Variants in TNS1 observed in about 807,000 individuals in gnomAD.
TNS1 encodes the protein tensin-1.
TNS1 carries 62 observed loss-of-function variants against 168.6 expected under a neutral mutation model. The ratio of observed to expected loss-of-function variants is 0.37; its 90% confidence interval spans 0.30 to 0.45. TNS1 has a LOEUF of 0.45. Ranked by LOEUF, TNS1 falls within the 20% of genes least tolerant of loss-of-function variation. The pLI is 1.00. For synonymous variants in TNS1, 934 were observed against 933.2 expected, an observed-to-expected ratio of 1.00 and a Z score of -0.02; for missense variants, 2,240 against 2,339.4, an observed-to-expected ratio of 0.96 and a Z score of 0.88.
At chr2:217,816,076 A>G (rs1302777329) in intron 24 of TNS1, among the ~76,000 whole-genome samples, 1 of 152,154 alleles carries the variant, frequency 6.6e-6, no homozygotes. Context: ...CCAACTGCCT[A>G]ATTTTACATA....
At chr2:217,838,880 C>T (rs1457505636) in intron 19 of TNS1, among the ~76,000 whole-genome samples, 1 of 152,144 alleles carries the variant, frequency 6.6e-6, no homozygotes, top group Non-Finnish European at 1.5e-5. Context: ...CTCTCACGTC[C>T]CAGAGTCTGA....
At chr2:217,963,601 G>C (rs941845055) in intron 3 of TNS1, among the ~76,000 whole-genome samples, 14 of 152,108 alleles carry the variant, frequency 9.2e-5, no homozygotes, top group Non-Finnish European at 2.9e-5. Context: ...CAAATAGCTA[G>C]ATAAGAATAA....
chr2:218,032,798 C>G lies in TNS1; in HGVS notation c.156+1022G>C, dbSNP rs1157317017. Among the ~76,000 whole-genome samples, 1 of 152,154 alleles carries G rather than the reference C, an allele frequency of 6.6e-6. No homozygotes were observed. The highest frequency in any genetic ancestry group is 2.4e-5 in the African/African-American group (1 of 41,430). The stretch of plus-strand genomic sequence containing the variant: ...TGGGATGGAGCTTGATCCCCACAGA[C>G]AGAGGAGGGAGGGAGTCACAGGCGA... On this transcript the variant is annotated intron_variant, in intron 1 of 1. Coordinates refer to the TNS1 transcript ENST00000649572. This position sits in a 1 kb window ranked among gnomAD's most constrained non-coding sequence, Gnocchi z 4.0.
intron 18 of TNS1, among the ~76,000 whole-genome samples, chr2:217,862,392 T>C (rs1421348183): frequency 6.6e-6 from 1 of 152,114 alleles, no homozygotes; most frequent in Non-Finnish European, 1.5e-5. Context: ...TACTCTGTCT[T>C]CAGAGGCAGC....
intron 1 of TNS1, among the ~76,000 whole-genome samples, chr2:218,024,722 G>A (rs543124227): frequency 7.2e-5 from 11 of 152,134 alleles, no homozygotes; most frequent in African/African-American, 1.9e-4. Flanking sequence ...CCATCCTCCC[G>A]TAGCATGAGC....
chr2:217,887,235 A>C (rs1029697451), intron 12 of TNS1, among the ~76,000 whole-genome samples: 4 of 152,118 alleles, frequency 2.6e-5, no homozygotes, highest in Non-Finnish European at 5.9e-5. Flanking sequence ...TGTATCCTTG[A>C]GTTTACTTGG....
intron 3 of TNS1, among the ~76,000 whole-genome samples, chr2:217,922,187 G>A (rs1955756364): frequency 6.6e-6 from 1 of 152,208 alleles, no homozygotes. Context: ...GAGGTCCCCA[G>A]AGCTGGCTGT....
At chr2:217,901,413 G>A (rs1203243973) in intron 6 of TNS1, among the ~76,000 whole-genome samples, 1 of 152,160 alleles carries the variant, frequency 6.6e-6, no homozygotes. Context: ...TGTTGTTTTT[G>A]TTGTTACTTT....
chr2:217,960,157 T>C (rs1295885605), intron 3 of TNS1, among the ~76,000 whole-genome samples: 1 of 151,710 alleles, frequency 6.6e-6, no homozygotes, highest in East Asian at 1.9e-4. Flanking sequence ...GCAGAAGGAG[T>C]GTCCCCGACT....
intron 19 of TNS1, chr2:217,841,923 A>C: frequency 1.7e-6 from 1 of 600,760 alleles, no homozygotes; most frequent in Non-Finnish European, 3.0e-6. Context: ...TCTCAGATGC[A>C]CTAGAAGGAC....
At chr2:217,862,373 T>C (rs2125543731) in intron 18 of TNS1, among the ~76,000 whole-genome samples, 1 of 152,224 alleles carries the variant, frequency 6.6e-6, no homozygotes, top group South Asian at 2.1e-4. Context: ...GCTTGAAAGA[T>C]GATGGTATTA....
At position 217,880,857 on chromosome 2, in the gene TNS1, G is replaced by A; in HGVS notation, c.1429+41C>T. 7.0e-7 allele frequency: 1 copy of A among 1,436,808 alleles called. No homozygotes were observed. The highest frequency in any genetic ancestry group is 9.8e-7 in the Non-Finnish European group (1 of 1,018,380). 89.0% of individuals were successfully genotyped at this position (1,436,808 alleles called of 1,614,324 possible). ...GCAAGGTCATGTGAGCAGAGGCTGT[G>A]CAGTTTGGATAGGGGCTGGGAGCCA... On this transcript the variant is annotated intron_variant, in intron 18 of 32. Coordinates refer to ENST00000682258, the MANE Select transcript of TNS1 (RefSeq NM_001387777.1). This position sits in a 1 kb window ranked among gnomAD's most constrained non-coding sequence, Gnocchi z 4.2.
At chr2:217,943,212 G>A (rs1245112748) in intron 3 of TNS1, among the ~76,000 whole-genome samples, 2 of 152,158 alleles carry the variant, frequency 1.3e-5, no homozygotes, top group Non-Finnish European at 2.9e-5. Context: ...GGGCACTTCT[G>A]CCAGTCTGTG....
chr2:217,909,483 C>T (rs1954102129), intron 4 of TNS1, among the ~76,000 whole-genome samples: 2 of 152,060 alleles, frequency 1.3e-5, no homozygotes, highest in Non-Finnish European at 2.9e-5. Flanking sequence ...TAGGCCTCGA[C>T]CCTCAGCAGA....
intron 3 of TNS1, among the ~76,000 whole-genome samples, chr2:217,936,368 C>A (rs1956607790): frequency 6.6e-6 from 1 of 152,120 alleles, no homozygotes; most frequent in African/African-American, 2.4e-5. Flanking sequence ...TGAAGACTTG[C>A]CAAGGATGGC....
intron 1 of TNS1, among the ~76,000 whole-genome samples, chr2:217,997,743 T>C (rs570345381): frequency 6.6e-6 from 1 of 152,286 alleles, no homozygotes; most frequent in South Asian, 2.1e-4. Flanking sequence ...GTTGTGAGGA[T>C]GAAATGAGAT....
chr2:218,015,926 C>T (rs1041405348), intron 1 of TNS1, among the ~76,000 whole-genome samples: 2 of 152,172 alleles, frequency 1.3e-5, no homozygotes, highest in Admixed American at 6.5e-5. Flanking sequence ...AGGAGCTGGG[C>T]GCTGGGTCTG....
chr2:217,966,654 G>A (rs964700919), intron 3 of TNS1, among the ~76,000 whole-genome samples: 2 of 152,186 alleles, frequency 1.3e-5, no homozygotes, highest in Admixed American at 6.5e-5. Context: ...TGACAGGGCA[G>A]GAGTATGCTG....
intron 1 of TNS1, among the ~76,000 whole-genome samples, chr2:218,030,246 G>C (rs139506726): frequency 2.8e-3 from 427 of 152,266 alleles, no homozygotes; most frequent in African/African-American, 9.6e-3. Flanking sequence ...CTCCATGCTG[G>C]GACCTTCAAG....
Sources: allele counts gnomAD v4.1 joint callset (sites outside exome capture counted in the v4.1 genomes callset), GRCh38; gene constraint gnomAD v4.1.1; non-coding constraint Gnocchi (gnomAD v3.1); transcripts MANE v1.5; gene names NCBI Gene and HGNC (gene_info 2026-07-23, HGNC 2026-07-21).